Variants in ACOXL observed in about 807,000 individuals in gnomAD.
ACOXL encodes acyl-coenzyme A oxidase-like protein.
In ACOXL, 70 loss-of-function variants were observed where a neutral mutation model predicts 71.9. The ratio of observed to expected loss-of-function variants is 0.97; its 90% CI spans 0.80 to 1.19. The LOEUF (loss-of-function observed/expected upper bound fraction) is 1.19, where lower values mean the gene tolerates loss of function less well. ACOXL is among the 50% of genes most tolerant of loss of function. The probability of loss-of-function intolerance (pLI) is 0.00; values close to 1 mark genes in which losing one functional copy is unlikely to be tolerated. For missense variants in ACOXL, 703 were observed against 736.3 expected, an observed-to-expected ratio of 0.95 and a Z score of 0.52; for synonymous variants, 253 against 281.6, an observed-to-expected ratio of 0.90 and a Z score of 1.02.
At chr2:110,880,891 A>G (rs954731756) in intron 10 of ACOXL, among the ~76,000 whole-genome samples, 2 of 152,144 alleles carry the variant, frequency 1.3e-5, no homozygotes, top group African/African-American at 4.8e-5. Context: ...CTTCACTGAC[A>G]TTGGGTATGG....
intron 11 of ACOXL, among the ~76,000 whole-genome samples, chr2:110,917,062 C>A (rs1260579018): frequency 3.3e-5 from 5 of 152,190 alleles, no homozygotes; most frequent in African/African-American, 7.2e-5. Flanking sequence ...TTTTATGAGG[C>A]CAGCATCATC....
At chr2:110,749,538 C>G (rs1678655052) in intron 1 of ACOXL, among the ~76,000 whole-genome samples, 1 of 152,164 alleles carries the variant, frequency 6.6e-6, no homozygotes, top group South Asian at 2.1e-4. Flanking sequence ...GCAGCTTGGC[C>G]AACATGGCGA....
At chr2:110,833,858 T>C (rs1467914211) in intron 9 of ACOXL, among the ~76,000 whole-genome samples, 1 of 152,164 alleles carries the variant, frequency 6.6e-6, no homozygotes, top group Admixed American at 6.5e-5. Flanking sequence ...TGTTTTCCTG[T>C]CTTTCTTTGA....
At chr2:110,927,257 C>T (rs184343457) in intron 11 of ACOXL, among the ~76,000 whole-genome samples, 98 of 152,294 alleles carry the variant, frequency 6.4e-4, no homozygotes, top group African/African-American at 1.9e-3. Flanking sequence ...AATCACCTCT[C>T]GCCAGGCCCC....
chr2:110,752,345 G>T (rs1679094802), intron 1 of ACOXL, among the ~76,000 whole-genome samples: 2 of 151,976 alleles, frequency 1.3e-5, no homozygotes, highest in African/African-American at 4.8e-5. Flanking sequence ...AATACGTTGG[G>T]CATGTTGGTG....
At chr2:110,777,844 C>T (rs969319995) in intron 2 of ACOXL, among the ~76,000 whole-genome samples, 1 of 152,214 alleles carries the variant, frequency 6.6e-6, no homozygotes, top group Non-Finnish European at 1.5e-5. Context: ...GGAGAGGCCA[C>T]ACCACTTCAA....
At chr2:110,824,034 A>T (rs751476297) in intron 9 of ACOXL, among the ~76,000 whole-genome samples, 3 of 152,138 alleles carry the variant, frequency 2.0e-5, no homozygotes, top group Non-Finnish European at 4.4e-5. Context: ...AAAATTCATC[A>T]CAAACCCAAG....
At chr2:110,792,884 T>A (rs1684814677) in intron 3 of ACOXL, among the ~76,000 whole-genome samples, 1 of 152,206 alleles carries the variant, frequency 6.6e-6, no homozygotes, top group African/African-American at 2.4e-5. Context: ...GGTCACTATA[T>A]GAAGTATTAT....
At chr2:110,932,777 C>T (rs146371246) in intron 11 of ACOXL, among the ~76,000 whole-genome samples, 16 of 152,262 alleles carry the variant, frequency 1.1e-4, no homozygotes, top group Admixed American at 4.6e-4. Flanking sequence ...CAGATGTCAG[C>T]GTAAGCAGTG....
intron 16 of ACOXL, among the ~76,000 whole-genome samples, chr2:111,079,067 T>C (rs2149964894): frequency 6.6e-6 from 1 of 152,326 alleles, no homozygotes; most frequent in East Asian, 1.9e-4. Flanking sequence ...AAGCTGTACA[T>C]GTATTTGTTT....
chr2:110,777,263 C>G (rs1185352498), intron 2 of ACOXL, among the ~76,000 whole-genome samples: 1 of 151,988 alleles, frequency 6.6e-6, no homozygotes, highest in East Asian at 1.9e-4. Context: ...GAAGGGGAGG[C>G]CCAAGGGTGG....
At chr2:111,031,545 G>T in intron 14 of ACOXL, 82 bp from the exon 15 acceptor site, 1 of 1,289,880 alleles carries the variant, frequency 7.8e-7, no homozygotes, top group Non-Finnish European at 1.1e-6. Context: ...TGAAAATTTG[G>T]ATGTTTGCCG....
chr2:110,791,414 C>T (rs1684631873), intron 3 of ACOXL, among the ~76,000 whole-genome samples: 1 of 152,318 alleles, frequency 6.6e-6, no homozygotes, highest in South Asian at 2.1e-4. Flanking sequence ...GTGCATTAGG[C>T]ACCAGCCAAA....
At chr2:110,891,709 G>C (rs955264449) in intron 10 of ACOXL, among the ~76,000 whole-genome samples, 1 of 152,162 alleles carries the variant, frequency 6.6e-6, no homozygotes, top group Non-Finnish European at 1.5e-5. Flanking sequence ...TAAATGGAAA[G>C]TGCTTTGGTA....
At chr2:110,857,207 A>G (rs1693363974) in intron 10 of ACOXL, among the ~76,000 whole-genome samples, 1 of 152,226 alleles carries the variant, frequency 6.6e-6, no homozygotes, top group East Asian at 1.9e-4. Context: ...CATGGTCACA[A>G]TATGGCTGCT....
At chr2:110,816,170 C>T (rs1284486594) in intron 9 of ACOXL, among the ~76,000 whole-genome samples, 3 of 147,472 alleles carry the variant, frequency 2.0e-5, no homozygotes, top group African/African-American at 5.1e-5. Flanking sequence ...CATGGATGGA[C>T]GGATGGATGG....
In ACOXL at chr2:110,849,990, G is replaced by C. The variant is rs561038034; in HGVS notation, c.788+8585G>C. 1.2e-4 allele frequency among the ~76,000 whole-genome samples: 18 copies of C among 152,260 alleles called. No individual in the cohort carries two copies. In the South Asian group the frequency reaches 3.7e-3, roughly 32 times the overall value. ...TGATCAATGGATTTTCAACAAAGGC[G>C]CCAAAATGATTCAGTGGAGAAAGGA... On this transcript the variant is annotated intron_variant, in intron 10 of 17. Coordinates refer to ENST00000439055, the MANE Select transcript of ACOXL (RefSeq NM_001142807.4).
chr2:110,926,374 G>T (rs902728760), intron 11 of ACOXL, among the ~76,000 whole-genome samples: 4 of 152,110 alleles, frequency 2.6e-5, no homozygotes, highest in Non-Finnish European at 5.9e-5. Context: ...GGGATTAAAT[G>T]AATTAACACA....
intron 11 of ACOXL, among the ~76,000 whole-genome samples, chr2:110,919,166 T>A (rs986619090): frequency 6.6e-6 from 1 of 152,056 alleles, no homozygotes; most frequent in Admixed American, 6.6e-5. Context: ...CAAATGCCCA[T>A]CAATGATAGA....
Sources: allele counts gnomAD v4.1 joint callset (sites outside exome capture counted in the v4.1 genomes callset), GRCh38; gene constraint gnomAD v4.1.1; transcripts MANE v1.5; gene names NCBI Gene and HGNC (gene_info 2026-07-23, HGNC 2026-07-21).